KCNMA1: variants seen among roughly 807,000 people sequenced by gnomAD.
KCNMA1 encodes Calcium-activated potassium channel subunit alpha-1.
KCNMA1 carries 29 observed loss-of-function variants against 140.0 expected under a neutral mutation model. That is an observed-to-expected ratio of 0.21 (90% CI 0.15 to 0.28). The LOEUF (loss-of-function observed/expected upper bound fraction) is 0.28, where lower values mean the gene tolerates loss of function less well. Ranked by LOEUF, KCNMA1 falls within the 10% of genes least tolerant of loss-of-function variation. KCNMA1 has a pLI of 1.00. For synonymous variants in KCNMA1, 612 were observed against 611.9 expected (o/e 1.00, Z 0.00); for missense variants, 880 against 1,602.2 (o/e 0.55, Z 7.70).
At chr10:77,283,440 A>G (rs2069444987) in intron 2 of KCNMA1, among the ~76,000 whole-genome samples, 1 of 152,144 alleles carries the variant, frequency 6.6e-6, no homozygotes, top group Non-Finnish European at 1.5e-5. Context: ...CAGCTAACCA[A>G]GATGGTGCCT....
intron 3 of KCNMA1, among the ~76,000 whole-genome samples, chr10:77,237,608 C>T (rs2055965295): frequency 6.6e-6 from 1 of 152,132 alleles, no homozygotes; most frequent in South Asian, 2.1e-4. Context: ...TAGGCACATA[C>T]CACCATGACC....
chr10:76,973,089 A>T (rs2076535905), intron 19 of KCNMA1: 1 of 152,244 alleles, frequency 6.6e-6, no homozygotes, highest in Non-Finnish European at 1.5e-5. Context: ...CCACTACCTC[A>T]TGACGATGCA....
intron 1 of KCNMA1, among the ~76,000 whole-genome samples, chr10:77,627,422 C>CA (rs2092671600): frequency 6.6e-6 from 1 of 152,142 alleles, no homozygotes; most frequent in Non-Finnish European, 1.5e-5. Context: ...CAGCTGCTGA[C>CA]AAGACCGAAG....
chr10:77,513,050 G>A (rs2048980305), intron 1 of KCNMA1, among the ~76,000 whole-genome samples: 1 of 152,132 alleles, frequency 6.6e-6, no homozygotes, highest in African/African-American at 2.4e-5. Flanking sequence ...ATACTGAGAA[G>A]GAAATCCAAG....
chr10:77,030,268 C>G (rs181468372), intron 15 of KCNMA1, among the ~76,000 whole-genome samples: 34 of 152,308 alleles, frequency 2.2e-4, no homozygotes, highest in East Asian at 1.9e-3. Context: ...CACACATATC[C>G]AACTACAGCT....
intron 5 of KCNMA1, among the ~76,000 whole-genome samples, chr10:77,125,058 C>T (rs2097703570): frequency 6.6e-6 from 1 of 152,144 alleles, no homozygotes; most frequent in Non-Finnish European, 1.5e-5. Flanking sequence ...ATCACGAGAA[C>T]AGCAGCATGG....
intron 1 of KCNMA1, among the ~76,000 whole-genome samples, chr10:77,506,329 C>T (rs926651230): frequency 6.6e-6 from 1 of 152,044 alleles, no homozygotes; most frequent in African/African-American, 2.4e-5. Flanking sequence ...CCTAAGGGAG[C>T]CCCCCTACTC....
intron 1 of KCNMA1, among the ~76,000 whole-genome samples, chr10:77,524,485 T>G (rs11002192): frequency 7.0e-4 from 106 of 152,216 alleles, no homozygotes; most frequent in African/African-American, 2.3e-3. Flanking sequence ...AGAAGAATAT[T>G]CCCTTCTCCT....
chr10:77,163,525 T>C (rs1163263377), intron 5 of KCNMA1, among the ~76,000 whole-genome samples: 1 of 152,224 alleles, frequency 6.6e-6, no homozygotes, highest in Non-Finnish European at 1.5e-5. Context: ...CTCCCATGCG[T>C]GCAGTGCTCT....
intron 2 of KCNMA1, among the ~76,000 whole-genome samples, chr10:77,366,816 T>C (rs1367999354): frequency 6.6e-6 from 1 of 152,254 alleles, no homozygotes; most frequent in Non-Finnish European, 1.5e-5. Context: ...TGGCATCTTC[T>C]GTTCTTGGAA....
At chr10:77,333,423 AGAG>A (rs1416529524) in intron 2 of KCNMA1, among the ~76,000 whole-genome samples, 1 of 150,002 alleles carries the variant, frequency 6.7e-6, no homozygotes, top group Non-Finnish European at 1.5e-5. Context: ...AAGAAAAGAA[AGAG>A]AAGAAAAGAA....
intron 24 of KCNMA1, chr10:76,912,894 A>C (rs949108756): frequency 1.3e-5 from 2 of 152,162 alleles, no homozygotes; most frequent in Non-Finnish European, 2.9e-5. Flanking sequence ...CCAGAAACCT[A>C]GGGCTTTTAA....
intron 2 of KCNMA1, among the ~76,000 whole-genome samples, chr10:77,386,134 A>G (rs2095595217): frequency 6.6e-6 from 1 of 152,182 alleles, no homozygotes; most frequent in Non-Finnish European, 1.5e-5. Context: ...GCTCTATAGC[A>G]CTGCTTTCCT....
intron 3 of KCNMA1, among the ~76,000 whole-genome samples, chr10:77,216,941 C>T (rs546119891): frequency 6.6e-6 from 1 of 152,290 alleles, no homozygotes; most frequent in South Asian, 2.1e-4. Flanking sequence ...GCCATGTCTC[C>T]AGGTCTCTGC....
intron 1 of KCNMA1, among the ~76,000 whole-genome samples, chr10:77,415,630 G>A (rs605089): frequency 0.46 from 69,389 of 152,150 alleles, 16,918 homozygotes; most frequent in South Asian, 0.54. Context: ...AGAAATCTTC[G>A]TGCCAAGTTA....
intron 1 of KCNMA1, among the ~76,000 whole-genome samples, chr10:77,549,702 C>T (rs917141546): frequency 3.3e-5 from 5 of 152,212 alleles, no homozygotes; most frequent in Non-Finnish European, 7.3e-5. Context: ...TTTTCAGTAA[C>T]GTCCTGTCTA....
downstream of KCNMA1, chr10:76,874,977 CATAATGTGGACT>C (rs2032090962): frequency 6.6e-6 from 1 of 152,176 alleles, no homozygotes; most frequent in Non-Finnish European, 1.5e-5. Context: ...ATCAGAGCCT[CATAATGTGGACT>C]GTACCAAAGA....
chr10:77,520,785 C>T (rs1482250337), intron 1 of KCNMA1, among the ~76,000 whole-genome samples: 2 of 152,134 alleles, frequency 1.3e-5, no homozygotes, highest in African/African-American at 2.4e-5. Flanking sequence ...AAGTCCACCA[C>T]TGTCTCCATT....
intron 1 of KCNMA1, among the ~76,000 whole-genome samples, chr10:77,491,295 T>C (rs1371758790): frequency 6.6e-6 from 1 of 152,308 alleles, no homozygotes; most frequent in Admixed American, 6.5e-5. Context: ...TGAAGAGTTC[T>C]AGAGCCTGGA....
Sources: gnomAD v4.1 joint callset for allele counts (sites outside exome capture counted in the v4.1 genomes callset) on GRCh38, gnomAD v4.1.1 for gene constraint, MANE v1.5 for transcripts, NCBI Gene and HGNC (gene_info 2026-07-23, HGNC 2026-07-21) for gene names.